Variants in OAT observed in about 807,000 individuals in gnomAD.
OAT encodes the protein ornithine aminotransferase, also known as ornithine aminotransferase, mitochondrial.
In OAT, 35 loss-of-function variants were observed where a neutral mutation model predicts 48.4. The observed-to-expected ratio is 0.72, with a 90% CI of 0.55 to 0.96. The LOEUF (loss-of-function observed/expected upper bound fraction) is 0.96. Among genes scored for constraint, OAT ranks in the 40% least tolerant of loss-of-function variants. The pLI is 0.00. For synonymous variants in OAT, 182 were observed against 198.4 expected (o/e 0.92, Z 0.70); for missense variants, 438 against 537.9 (o/e 0.81, Z 1.84).
At chr10:124,406,278 G>A (rs543401347) in intron 4 of OAT, 101 of 231,728 alleles carry the variant, frequency 4.4e-4, no homozygotes, top group Non-Finnish European at 5.8e-4. Context: ...ATCGCCTGAG[G>A]TCAGGAGTTC....
chr10:124,407,707 T>G (rs1951623520), intron 4 of OAT, among the ~76,000 whole-genome samples: 1 of 152,186 alleles, frequency 6.6e-6, no homozygotes, highest in Non-Finnish European at 1.5e-5. Context: ...TAGTGACAAA[T>G]GTACACATAC....
intron 9 of OAT, among the ~76,000 whole-genome samples, chr10:124,398,456 G>A (rs1412168208): frequency 6.6e-6 from 1 of 151,520 alleles, no homozygotes; most frequent in Admixed American, 6.6e-5. Flanking sequence ...GCAGTGAGCG[G>A]AGATCGCGCC....
intron 9 of OAT, among the ~76,000 whole-genome samples, chr10:124,400,532 A>G (rs906785547): frequency 6.6e-6 from 1 of 151,696 alleles, no homozygotes; most frequent in African/African-American, 2.4e-5. Context: ...ACGCAGGTGG[A>G]TCACGAGGTC....
chr10:124,399,586 C>G (rs1430584274), intron 9 of OAT, among the ~76,000 whole-genome samples: 1 of 151,940 alleles, frequency 6.6e-6, no homozygotes, highest in Non-Finnish European at 1.5e-5. Context: ...ACCTCGTGAT[C>G]CACCCGTCTC....
At chr10:124,398,461 C>T (rs970515013) in intron 9 of OAT, among the ~76,000 whole-genome samples, 2 of 151,440 alleles carry the variant, frequency 1.3e-5, no homozygotes, top group Admixed American at 6.6e-5. Context: ...GAGCGGAGAT[C>T]GCGCCACTGC....
chr10:124,406,582 G>A (rs1408331635), intron 4 of OAT, among the ~76,000 whole-genome samples: 24 of 151,150 alleles, frequency 1.6e-4, no homozygotes, highest in South Asian at 4.2e-4. Context: ...TTGGGAGGCC[G>A]AGGCAGGCAG....
intron 1 of OAT, among the ~76,000 whole-genome samples, chr10:124,418,470 C>G (rs1277605514): frequency 2.0e-5 from 3 of 152,204 alleles, no homozygotes; most frequent in Non-Finnish European, 2.9e-5. Flanking sequence ...CCGGGTGGGC[C>G]GAGTCCTGGC....
At chr10:124,405,017 C>G (rs755384163) in intron 5 of OAT, among the ~76,000 whole-genome samples, 3 of 152,106 alleles carry the variant, frequency 2.0e-5, no homozygotes, top group Non-Finnish European at 4.4e-5. Flanking sequence ...GCGCTCCAGC[C>G]TAGGTGACAG....
At chr10:124,410,849 G>C (rs1951723497) in intron 2 of OAT, among the ~76,000 whole-genome samples, 1 of 151,948 alleles carries the variant, frequency 6.6e-6, no homozygotes, top group South Asian at 2.1e-4. Flanking sequence ...TGGGTAAAGA[G>C]ATGTCATGTG....
At position 124,397,841 on chromosome 10, in the gene OAT, G is replaced by A; in HGVS notation, c.*101C>T. 2.8e-6 allele frequency: 4 copies of A among 1,405,030 alleles called. No homozygotes were observed. The allele number at this position is 1,405,030 out of a possible 1,614,324, so 87.0% of individuals were successfully genotyped here. A position where few individuals can be genotyped will look rare whatever the true frequency, so the allele number is the denominator to read the frequency against. On this transcript the variant is annotated 3_prime_UTR_variant, in exon 10 of 10. Transcript: ENST00000368845. ...TATATTCAAAAAAAAAGTTTTTGAAGACTCATGGGAGTGGAATGTGCCCAC... is the reference window on the plus strand; with the variant it reads ...TATATTCAAAAAAAAAGTTTTTGAAAACTCATGGGAGTGGAATGTGCCCAC...
chr10:124,417,581 C>T (rs79628179), intron 1 of OAT, among the ~76,000 whole-genome samples: 1 of 152,030 alleles, frequency 6.6e-6, no homozygotes, highest in South Asian at 2.1e-4. Flanking sequence ...GCCACCGTGC[C>T]GGGCTAAAAA....
chr10:124,401,508 T>G (rs1286211272), intron 8 of OAT, among the ~76,000 whole-genome samples: 1 of 152,252 alleles, frequency 6.6e-6, no homozygotes, highest in African/African-American at 2.4e-5. Context: ...GCCAGGTGAC[T>G]GTGAACTCAG....
chr10:124,402,927 A>C lies in OAT; in HGVS notation c.900T>G (p.Pro300=). ...LGKALSGGLY[P]VSAVLCDDDI... Reference sequence around the variant, plus strand: ...GAAAGAGGGGGAACATGAAACTTACAGGGTATAAGCCCCCAGAAAGGGCCT... The same window carrying C: ...GAAAGAGGGGGAACATGAAACTTACCGGGTATAAGCCCCCAGAAAGGGCCT... The change falls in exon 7 of 10, where the codon CCT becomes CCG. Residue 300 remains proline, a splice_region_variant and synonymous_variant. Transcript: ENST00000368845. 6.2e-7 allele frequency: 1 copy of C among 1,613,740 alleles called. No homozygotes were observed. Among genetic ancestry groups the C allele is most frequent in the African/African-American group, 1.3e-5 (1 of 75,044 alleles).
intron 1 of OAT, among the ~76,000 whole-genome samples, chr10:124,417,877 AT>A (rs1951968244): frequency 2.6e-5 from 4 of 152,216 alleles, no homozygotes; most frequent in African/African-American, 9.6e-5. Context: ...TATCACCGTA[AT>A]TTATCTAAGA....
At chr10:124,401,432 G>A (rs1039979686) in intron 8 of OAT, among the ~76,000 whole-genome samples, 13 of 152,168 alleles carry the variant, frequency 8.5e-5, no homozygotes, top group African/African-American at 2.9e-4. Context: ...GCAAAAAGAC[G>A]GGTCTGGTAG....
intron 5 of OAT, 139 bp from the exon 6 acceptor site, chr10:124,404,059 C>T: frequency 1.1e-6 from 1 of 950,354 alleles, no homozygotes. Context: ...TTCAAATTCA[C>T]TGCCATTCAA....
intron 9 of OAT, among the ~76,000 whole-genome samples, chr10:124,398,475 C>G (rs903899027): frequency 6.6e-6 from 1 of 151,422 alleles, no homozygotes; most frequent in East Asian, 2.0e-4. Flanking sequence ...CCACTGCACT[C>G]CAGCCTGGTG....
rs111950540 is a variant in OAT at position 124,405,221 on chromosome 10, A to G, written c.648+215T>C. Among the ~76,000 whole-genome samples the G allele has an allele frequency of 2.4e-3, 373 of 152,318 alleles. 2 individuals are homozygous for G. Among genetic ancestry groups the G allele is most frequent in the African/African-American group, 8.5e-3 (353 of 41,566 alleles). On this transcript the variant is annotated intron_variant, in intron 5 of 9. Coordinates refer to ENST00000368845, the MANE Select transcript of OAT (RefSeq NM_000274.4). ...TAACTGTTATGAAGGACACACATCTAAAGTAGTTGGCTGGCTGTACAGAGT... is the reference window on the plus strand; with the variant it reads ...TAACTGTTATGAAGGACACACATCTGAAGTAGTTGGCTGGCTGTACAGAGT...
At chr10:124,410,706 G>A (rs913835774) in intron 2 of OAT, among the ~76,000 whole-genome samples, 7 of 152,142 alleles carry the variant, frequency 4.6e-5, no homozygotes, top group Non-Finnish European at 8.8e-5. Context: ...GCTGAGGTGG[G>A]AAAATCACCT....
Sources: gnomAD v4.1 joint callset for allele counts (sites outside exome capture counted in the v4.1 genomes callset) on GRCh38, gnomAD v4.1.1 for gene constraint, MANE v1.5 for transcripts, NCBI Gene and HGNC (gene_info 2026-07-23, HGNC 2026-07-21) for gene names.